The following KLHL18 variants were observed in gnomAD, a reference collection of about 807,000 sequenced individuals.
KLHL18 encodes the protein kelch like family member 18, also known as kelch-like protein 18.
Under a neutral mutation model 58.5 loss-of-function variants are expected in KLHL18, and 38 were observed. The ratio of observed to expected loss-of-function variants is 0.65; its 90% CI spans 0.50 to 0.85. KLHL18 has a LOEUF of 0.85. KLHL18 is among the 40% of genes least tolerant of loss of function. The probability of loss-of-function intolerance (pLI) is 0.00; values close to 1 mark genes in which losing one functional copy is unlikely to be tolerated. For missense variants in KLHL18, 624 were observed against 778.4 expected, an observed-to-expected ratio of 0.80 and a Z score of 2.36; for synonymous variants, 303 against 301.9, an observed-to-expected ratio of 1.00 and a Z score of -0.04.
chr3:47,310,577 A>G (rs1703274251), intron 1 of KLHL18, among the ~76,000 whole-genome samples: 1 of 152,110 alleles, frequency 6.6e-6, no homozygotes, highest in African/African-American at 2.4e-5. Context: ...TCTGTCATCC[A>G]CTTTCTACAT....
chr3:47,343,035 T>G (rs574812825), intron 9 of KLHL18, among the ~76,000 whole-genome samples: 2 of 152,180 alleles, frequency 1.3e-5, no homozygotes, highest in African/African-American at 4.8e-5. Flanking sequence ...CAAAGGGTAG[T>G]CACATCTGCA....
At chr3:47,313,374 C>T (rs759193429) in intron 1 of KLHL18, among the ~76,000 whole-genome samples, 3 of 152,052 alleles carry the variant, frequency 2.0e-5, no homozygotes, top group Non-Finnish European at 2.9e-5. Flanking sequence ...CATACCACTG[C>T]ACCCAGCTAA....
rs1559506979 is a variant in KLHL18 at position 47,343,640 on chromosome 3, T to A, written c.1424T>A (p.Leu475Gln). 1.9e-6 allele frequency: 3 copies of A among 1,614,142 alleles called. No individual in the cohort carries two copies. The highest frequency in any genetic ancestry group is 2.5e-6 in the Non-Finnish European group (3 of 1,180,040). The change falls in exon 10 of 10, where the codon CTG (leucine) becomes CAG (glutamine). Residue 475 changes from leucine (L) to glutamine (Q), a missense_variant. Leu to Gln is a moderately radical substitution (Grantham distance 113, BLOSUM62 -2). Transcript: ENST00000232766. ...CGCTGCCGGCACGGAGCCGCCTCCC[T>A]GGGGAGCAAGATGTTTGTCTGCGGG... ...NKRCRHGAAS[L>Q]GSKMFVCGGY...
chr3:47,282,988 A>G lies in KLHL18; in HGVS notation c.23A>G (p.Glu8Gly). Reference sequence around the variant, plus strand: ...AAGATGGTGGAGGACGGCGCGGAGGAGCTGGAGGATCTGGTGCACTTCTCC... The same window carrying G: ...AAGATGGTGGAGGACGGCGCGGAGGGGCTGGAGGATCTGGTGCACTTCTCC... MVEDGAE[E>G]LEDLVHFSVS... The change falls in exon 1 of 10, where the codon GAG (glutamate) becomes GGG (glycine). Residue 8 changes from glutamate (E) to glycine (G), a missense_variant. Coordinates refer to ENST00000232766, the MANE Select transcript of KLHL18 (RefSeq NM_025010.5). 2 of 1,611,002 alleles carry G rather than the reference A, an allele frequency of 1.2e-6. No homozygotes were observed. The highest frequency in any genetic ancestry group is 2.2e-5 in the East Asian group (1 of 44,734).
intron 1 of KLHL18, among the ~76,000 whole-genome samples, chr3:47,290,025 T>C (rs930304783): frequency 1.3e-5 from 2 of 152,224 alleles, no homozygotes; most frequent in African/African-American, 4.8e-5. Context: ...AAAAACATTT[T>C]TAAGCCATCA....
intron 1 of KLHL18, among the ~76,000 whole-genome samples, chr3:47,312,979 G>T (rs368890153): frequency 3.0e-4 from 42 of 141,332 alleles, no homozygotes; most frequent in African/African-American, 1.1e-3. Context: ...GCGCAATCTC[G>T]GCTCACTGTA....
At chr3:47,294,980 G>A (rs921976782) in intron 1 of KLHL18, among the ~76,000 whole-genome samples, 2 of 150,794 alleles carry the variant, frequency 1.3e-5, no homozygotes, top group Non-Finnish European at 3.0e-5. Flanking sequence ...GCCGTGAGTC[G>A]AGCAGAGCTG....
At chr3:47,285,237 GCTAGA>G (rs1400064228) in intron 1 of KLHL18, among the ~76,000 whole-genome samples, 12 of 152,200 alleles carry the variant, frequency 7.9e-5, no homozygotes, top group Non-Finnish European at 1.6e-4. Context: ...GAAAAAATGA[GCTAGA>G]CTAAAGGAAG....
chr3:47,315,652 C>T lies in KLHL18; in HGVS notation c.130-4001C>T, dbSNP rs572733169. On this transcript the variant is annotated intron_variant, in intron 1 of 9. Coordinates refer to ENST00000232766, the MANE Select transcript of KLHL18 (RefSeq NM_025010.5). ...AAATGGCCGATTCTTGCCTGATCAC[C>T]CTAATGTGAAGCCCACAAATCAACA... Among the ~76,000 whole-genome samples, 5 of 152,312 alleles carry T rather than the reference C, an allele frequency of 3.3e-5. No individual in the cohort carries two copies. The East Asian group carries it at 5.8e-4, about 18-fold the overall frequency.
At chr3:47,304,902 TA>T (rs1224650515) in intron 1 of KLHL18, among the ~76,000 whole-genome samples, 2 of 152,146 alleles carry the variant, frequency 1.3e-5, no homozygotes, top group Admixed American at 1.3e-4. Flanking sequence ...TGCCCACCTG[TA>T]GTCCCAACTA....
At chr3:47,296,466 C>T (rs1283255488) in intron 1 of KLHL18, among the ~76,000 whole-genome samples, 2 of 152,140 alleles carry the variant, frequency 1.3e-5, no homozygotes, top group South Asian at 2.1e-4. Context: ...GGGAGTCAGC[C>T]TCTGTCTTTG....
chr3:47,297,038 C>G (rs533430157), intron 1 of KLHL18, among the ~76,000 whole-genome samples: 43 of 152,274 alleles, frequency 2.8e-4, no homozygotes, highest in African/African-American at 1.0e-3. Context: ...AAGTGGGAAG[C>G]AGCCTGAATG....
Position 47,333,193 on chromosome 3 carries a change from C to A in KLHL18, c.637C>A (p.Arg213=), listed in dbSNP as rs770560955. 6.2e-7 allele frequency: 1 copy of A among 1,614,020 alleles called. No homozygotes were observed. The highest frequency in any genetic ancestry group is 8.5e-7 in the Non-Finnish European group (1 of 1,179,960). ...EAALAWVRYD[R]EQRGPYLPEL... ...TGCATTGGCCTGGGTCAGATACGAC[C>A]GGGAGCAGAGGGGTCCCTACCTGCC... Residue 213 remains arginine (R), a synonymous_variant, in exon 5 of 10, where the codon CGG becomes AGG. Coordinates refer to ENST00000232766, the MANE Select transcript of KLHL18 (RefSeq NM_025010.5).
chr3:47,339,611 AAAC>A (rs1420935612), intron 7 of KLHL18, among the ~76,000 whole-genome samples: 2 of 152,252 alleles, frequency 1.3e-5, no homozygotes, highest in African/African-American at 4.8e-5. Flanking sequence ...CACATGATGA[AAAC>A]AACATCTGTG....
At chr3:47,335,061 T>C (rs1294175019) in intron 6 of KLHL18, among the ~76,000 whole-genome samples, 1 of 152,158 alleles carries the variant, frequency 6.6e-6, no homozygotes, top group East Asian at 1.9e-4. Flanking sequence ...ACCTGACAAG[T>C]GAGGAAATTG....
intron 1 of KLHL18, among the ~76,000 whole-genome samples, chr3:47,316,986 A>T (rs577305128): frequency 1.3e-5 from 2 of 152,030 alleles, no homozygotes; most frequent in African/African-American, 4.8e-5. Context: ...TACTTTCAAA[A>T]TTTTGACAGG....
chr3:47,299,777 T>C (rs1410315055), intron 1 of KLHL18, among the ~76,000 whole-genome samples: 2 of 128,408 alleles, frequency 1.6e-5, no homozygotes, highest in Admixed American at 1.0e-4. Context: ...CAGTGAGCCG[T>C]GATTGCACCA....
At chr3:47,339,627 T>C (rs1704064178) in intron 7 of KLHL18, among the ~76,000 whole-genome samples, 1 of 152,018 alleles carries the variant, frequency 6.6e-6, no homozygotes, top group Admixed American at 6.6e-5. Context: ...CATCTGTGAA[T>C]TGAGTGGGAA....
At position 47,282,980 on chromosome 3, in the gene KLHL18, C is replaced by T. The variant is rs760875559; in HGVS notation, c.15C>T (p.Gly5=). 1.1e-5 allele frequency: 17 copies of T among 1,610,504 alleles called. 1 individual carries two copies. In the South Asian group the frequency reaches 1.5e-4, roughly 15 times the overall value. Residue 5 remains glycine (G), a synonymous_variant, in exon 1 of 10, where the codon GGC becomes GGT. Transcript: ENST00000232766. The stretch of plus-strand genomic sequence containing the variant: ...GGCCGGGGAAGATGGTGGAGGACGG[C>T]GCGGAGGAGCTGGAGGATCTGGTGC... The part of the protein sequence containing the change: MVED[G]AEELEDLVHF...
Sources: gnomAD v4.1 joint callset for allele counts (sites outside exome capture counted in the v4.1 genomes callset) on GRCh38, gnomAD v4.1.1 for gene constraint, MANE v1.5 for transcripts, NCBI Gene and HGNC (gene_info 2026-07-23, HGNC 2026-07-21) for gene names.